HYCC1: variants seen among roughly 807,000 people sequenced by gnomAD.
HYCC1 encodes hyccin.
At chr7:22,941,349 A>T in the HYCC1 span, 1 of 152,344 alleles carries the variant, frequency 6.6e-6, no homozygotes, top group Non-Finnish European at 1.5e-5. Flanking sequence ...AAATATACAA[A>T]AATTCAAAAA....
chr7:22,941,370 A>T, the HYCC1 span: 1 of 152,200 alleles, frequency 6.6e-6, no homozygotes, highest in Non-Finnish European at 1.5e-5. Flanking sequence ...ACTAAACTCC[A>T]GTTTATTTCC....
chr7:22,991,199 T>G, the HYCC1 span: 1 of 1,103,702 alleles, frequency 9.1e-7, no homozygotes, highest in Non-Finnish European at 1.4e-6. Context: ...GTCAGATTAC[T>G]ATGAACAGAG....
the HYCC1 span, among the ~76,000 whole-genome samples, chr7:22,974,292 T>C: frequency 2.6e-5 from 4 of 152,198 alleles, no homozygotes; most frequent in African/African-American, 9.6e-5. Flanking sequence ...AGTCTCCCTT[T>C]TGTTAAATAA....
chr7:22,994,659 A>G, the HYCC1 span, among the ~76,000 whole-genome samples: 3 of 152,138 alleles, frequency 2.0e-5, no homozygotes, highest in African/African-American at 7.2e-5. Context: ...TTTAGCACGC[A>G]TGCAAGCTCA....
the HYCC1 span, among the ~76,000 whole-genome samples, chr7:22,919,740 G>A: frequency 6.6e-6 from 1 of 151,958 alleles, no homozygotes; most frequent in South Asian, 2.1e-4. Context: ...GATTGACAGA[G>A]ATTAGACAAT....
At chr7:22,976,868 TAGA>T in the HYCC1 span, 25 of 932,678 alleles carry the variant, frequency 2.7e-5, no homozygotes, top group Non-Finnish European at 4.1e-5. Flanking sequence ...AGGTGATATA[TAGA>T]ATATATATAT....
the HYCC1 span, chr7:22,945,924 G>A: frequency 6.2e-7 from 1 of 1,613,844 alleles, no homozygotes; most frequent in Non-Finnish European, 8.5e-7. Context: ...TGGGCTCTCT[G>A]AGTTTGTTTT....
chr7:22,993,086 T>A, the HYCC1 span, among the ~76,000 whole-genome samples: 53,656 of 151,852 alleles, frequency 0.35, 9,544 homozygotes, highest in East Asian at 0.47. Context: ...GACCCACACA[T>A]ATATGGTCAC....
the HYCC1 span, among the ~76,000 whole-genome samples, chr7:22,917,263 C>T: frequency 4.6e-5 from 7 of 152,232 alleles, no homozygotes; most frequent in Non-Finnish European, 1.0e-4. Flanking sequence ...ATATCTCCTT[C>T]CAGCCTCACA....
the HYCC1 span, chr7:22,976,685 C>G: frequency 6.6e-7 from 1 of 1,524,348 alleles, no homozygotes; most frequent in South Asian, 1.1e-5. Context: ...TTTATCCCCA[C>G]AGTATACCGA....
At chr7:22,938,712 C>G in the HYCC1 span, 1 of 152,072 alleles carries the variant, frequency 6.6e-6, no homozygotes, top group East Asian at 1.9e-4. Flanking sequence ...AGAAGTTTGC[C>G]CTTTCTAACT....
At chr7:22,973,292 A>G in the HYCC1 span, among the ~76,000 whole-genome samples, 11 of 152,342 alleles carry the variant, frequency 7.2e-5, no homozygotes, top group African/African-American at 2.6e-4. Context: ...CATGATTAAC[A>G]AAAGTGTTTT....
the HYCC1 span, among the ~76,000 whole-genome samples, chr7:22,987,419 A>C: frequency 6.6e-6 from 1 of 152,078 alleles, no homozygotes; most frequent in African/African-American, 2.4e-5. Context: ...ATGGTGGTGC[A>C]CACCTGTAAT....
the HYCC1 span, among the ~76,000 whole-genome samples, chr7:22,904,870 C>CA: frequency 0.3 from 31,690 of 104,692 alleles, 3,570 homozygotes; most frequent in East Asian, 0.41. Flanking sequence ...GACTTTGTCT[C>CA]AAAAAAAAAA....
chr7:22,994,705 C>A, the HYCC1 span, among the ~76,000 whole-genome samples: 5 of 152,186 alleles, frequency 3.3e-5, no homozygotes, highest in African/African-American at 1.2e-4. Context: ...TCTCTGTCTC[C>A]TGCAGAACTC....
At chr7:22,989,470 C>T in the HYCC1 span, among the ~76,000 whole-genome samples, 1 of 152,138 alleles carries the variant, frequency 6.6e-6, no homozygotes, top group African/African-American at 2.4e-5. Flanking sequence ...AACTCAGCCT[C>T]CCAAGTAGCT....
chr7:22,914,541 A>G, the HYCC1 span, among the ~76,000 whole-genome samples: 1 of 152,124 alleles, frequency 6.6e-6, no homozygotes, highest in East Asian at 1.9e-4. Context: ...AGAAAATGGC[A>G]CTTTTGATTT....
the HYCC1 span, among the ~76,000 whole-genome samples, chr7:22,977,676 T>C: frequency 6.6e-6 from 1 of 152,202 alleles, no homozygotes; most frequent in Non-Finnish European, 1.5e-5. Flanking sequence ...TTAATAATCC[T>C]TGATCTTACT....
chr7:22,902,635 TA>T, the HYCC1 span, among the ~76,000 whole-genome samples: 26 of 152,240 alleles, frequency 1.7e-4, no homozygotes, highest in East Asian at 3.3e-3. Context: ...TATATATGGT[TA>T]TTTTTTTTAA....
Sources: allele counts gnomAD v4.1 joint callset (sites outside exome capture counted in the v4.1 genomes callset), GRCh38; gene constraint gnomAD v4.1.1; transcripts MANE v1.5; gene names NCBI Gene and HGNC (gene_info 2026-07-23, HGNC 2026-07-21).